The following ZMYND8 variants were observed in gnomAD, a reference collection of about 807,000 sequenced individuals.
ZMYND8 encodes zinc finger MYND-type containing 8.
Under a neutral mutation model 140.8 loss-of-function variants are expected in ZMYND8, and 37 were observed. The observed-to-expected ratio is 0.26, with a 90% confidence interval of 0.20 to 0.35. ZMYND8 has a LOEUF of 0.35. Among genes scored for constraint, ZMYND8 ranks in the 10% least tolerant of loss-of-function variants. The pLI is 1.00. For synonymous variants in ZMYND8, 592 were observed against 597.1 expected, an observed-to-expected ratio of 0.99 and a Z score of 0.12; for missense variants, 1,068 against 1,570.0, an observed-to-expected ratio of 0.68 and a Z score of 5.40.
intron 2 of ZMYND8, among the ~76,000 whole-genome samples, chr20:47,324,201 CAAA>C (rs60339000): frequency 1.2e-4 from 8 of 66,678 alleles, no homozygotes; most frequent in Non-Finnish European, 6.6e-5. Flanking sequence ...GACTCTGTCT[CAAA>C]AAAAAAAAAA....
intron 14 of ZMYND8, among the ~76,000 whole-genome samples, chr20:47,243,351 C>T (rs1276849937): frequency 1.3e-5 from 2 of 152,244 alleles, no homozygotes; most frequent in Admixed American, 1.3e-4. Flanking sequence ...TGGTTTTGCC[C>T]CAAGCCTTAG....
At chr20:47,230,318 G>T (rs1241942745) in intron 16 of ZMYND8, among the ~76,000 whole-genome samples, 1 of 150,724 alleles carries the variant, frequency 6.6e-6, no homozygotes, top group African/African-American at 2.4e-5. Flanking sequence ...TTAAGATGGA[G>T]CCTCACTCTG....
intron 2 of ZMYND8, among the ~76,000 whole-genome samples, chr20:47,312,474 G>C (rs932659890): frequency 5.3e-5 from 8 of 152,156 alleles, no homozygotes; most frequent in African/African-American, 1.9e-4. Flanking sequence ...ACAGACCTGA[G>C]AGTCCAGAGA....
chr20:47,316,820 TAA>T (rs2079438277), intron 2 of ZMYND8, among the ~76,000 whole-genome samples: 2 of 151,302 alleles, frequency 1.3e-5, no homozygotes, highest in South Asian at 4.2e-4. Flanking sequence ...GAAAGAAAGC[TAA>T]GAGTTTCTTT....
intron 20 of ZMYND8, among the ~76,000 whole-genome samples, 182 bp downstream of exon 20, chr20:47,221,132 C>T (rs1376350137): frequency 2.0e-5 from 3 of 152,142 alleles, no homozygotes; most frequent in Non-Finnish European, 2.9e-5. Context: ...TGGGGAGCAG[C>T]TGCCAGGTCC....
chr20:47,324,556 C>T (rs776170200), intron 2 of ZMYND8, among the ~76,000 whole-genome samples: 2 of 152,030 alleles, frequency 1.3e-5, no homozygotes, highest in Non-Finnish European at 2.9e-5. Context: ...TAAGATAGTG[C>T]ACTCCCTGCT....
At chr20:47,255,561 AGTGTGTGTGTGTGTGTGT>A (rs141205253) in intron 12 of ZMYND8, among the ~76,000 whole-genome samples, 55 of 120,056 alleles carry the variant, frequency 4.6e-4, no homozygotes, top group East Asian at 2.3e-3. Context: ...ACATATACTC[AGTGTGTGTGTGTGTGTGT>A]GTGTGTGTGT....
At chr20:47,275,352 C>T (rs1274938763) in intron 11 of ZMYND8, among the ~76,000 whole-genome samples, 1 of 151,898 alleles carries the variant, frequency 6.6e-6, no homozygotes, top group Non-Finnish European at 1.5e-5. Flanking sequence ...ATTAGCTGGA[C>T]ATAGTAGTGC....
intron 19 of ZMYND8, among the ~76,000 whole-genome samples, chr20:47,222,405 G>T (rs934463678): frequency 1.3e-5 from 2 of 152,150 alleles, no homozygotes; most frequent in African/African-American, 4.8e-5. Context: ...GCGTGGTGGC[G>T]GGCACCTGTA....
intron 2 of ZMYND8, among the ~76,000 whole-genome samples, chr20:47,315,536 C>T (rs2079314083): frequency 6.6e-6 from 1 of 151,918 alleles, no homozygotes; most frequent in Non-Finnish European, 1.5e-5. Context: ...TTAAATGCCC[C>T]CCACTCCAGT....
At chr20:47,272,722 T>A (rs2076033309) in intron 11 of ZMYND8, among the ~76,000 whole-genome samples, 1 of 152,206 alleles carries the variant, frequency 6.6e-6, no homozygotes, top group African/African-American at 2.4e-5. Context: ...AGTTCTCCAA[T>A]CTTCTAAACA....
rs1336736175 is a variant in ZMYND8 at position 47,299,000 on chromosome 20, A to G, written c.235-53T>C. On this transcript the variant is annotated intron_variant, in intron 3 of 22. Transcript: ENST00000471951. This position sits in a 1 kb window ranked among gnomAD's most constrained non-coding sequence, Gnocchi z 5.0. The stretch of plus-strand genomic sequence containing the variant: ...GGTTTCAAAACAAATGTGCATTCTC[A>G]AAAGGAATTTGAACAAGTACATCAA... 4 of 1,559,532 alleles carry G rather than the reference A, an allele frequency of 2.6e-6. No individual in the cohort carries two copies. The African/African-American group carries it at 4.1e-5, about 16-fold the overall frequency.
At position 47,251,344 on chromosome 20, in the gene ZMYND8, C is replaced by T. The variant is rs186713184; in HGVS notation, c.1622-1905G>A. On this transcript the variant is annotated intron_variant, in intron 12 of 22. Coordinates refer to ENST00000471951, the MANE Select transcript of ZMYND8 (RefSeq NM_001281775.3). ...TGATTCACACCTCTCCCAGCACTTT[C>T]GGAGGCAGAGGCAGGAGGATTGCTT... Among the ~76,000 whole-genome samples, 680 of 151,834 alleles carry T rather than the reference C, an allele frequency of 4.5e-3. 3 individuals are homozygous for T. The highest frequency in any genetic ancestry group is 0.016 in the African/African-American group (653 of 41,330).
chr20:47,293,484 C>G (rs897290735), intron 5 of ZMYND8, among the ~76,000 whole-genome samples: 4 of 152,116 alleles, frequency 2.6e-5, no homozygotes, highest in Admixed American at 6.6e-5. Flanking sequence ...CCTCAAGGGG[C>G]AAAGGCTGTA....
At chr20:47,257,064 C>A (rs1238810653) in intron 12 of ZMYND8, among the ~76,000 whole-genome samples, 1 of 152,082 alleles carries the variant, frequency 6.6e-6, no homozygotes, top group Non-Finnish European at 1.5e-5. Flanking sequence ...GAAACTCATT[C>A]CTATTTATGA....
intron 11 of ZMYND8, among the ~76,000 whole-genome samples, chr20:47,270,403 T>C (rs78200854): frequency 7.7e-6 from 1 of 129,942 alleles, no homozygotes; most frequent in Non-Finnish European, 1.6e-5. Context: ...GTTTTTTTAA[T>C]GTATAAAAAT....
chr20:47,272,984 G>T (rs1010185161), intron 11 of ZMYND8, among the ~76,000 whole-genome samples: 2 of 152,208 alleles, frequency 1.3e-5, no homozygotes, highest in Non-Finnish European at 1.5e-5. Context: ...GCTAACAGCA[G>T]ATGGCAGTAG....
Position 47,349,591 on chromosome 20 carries a change from T to TG in ZMYND8, c.15-1666dup, listed in dbSNP as rs532185390. On this transcript the variant is annotated intron_variant, in intron 1 of 22. Transcript: ENST00000471951. ...TGGATGCTGTTGATGGGTTCTGGCT[T>TG]GGGGTGACTGGAAATACATCTTAAC... Among the ~76,000 whole-genome samples the TG allele has an allele frequency of 1.2e-4, 18 of 152,302 alleles. No individual in the cohort carries two copies. In the East Asian group the frequency reaches 3.1e-3, roughly 26 times the overall value.
intron 2 of ZMYND8, among the ~76,000 whole-genome samples, chr20:47,347,452 T>C (rs919504122): frequency 6.6e-6 from 1 of 152,262 alleles, no homozygotes; most frequent in African/African-American, 2.4e-5. Context: ...CACTTTCCAG[T>C]GAAGCGGGCT....
Sources: gnomAD v4.1 joint callset for allele counts (sites outside exome capture counted in the v4.1 genomes callset) on GRCh38, gnomAD v4.1.1 for gene constraint, Gnocchi (gnomAD v3.1) non-coding constraint, MANE v1.5 for transcripts, NCBI Gene and HGNC (gene_info 2026-07-23, HGNC 2026-07-21) for gene names.